The following PDXDC1 variants were observed in gnomAD, a reference collection of about 807,000 sequenced individuals.
The protein encoded by PDXDC1 is pyridoxal-dependent decarboxylase domain-containing protein 1.
A neutral mutation model predicts 100.1 loss-of-function variants in PDXDC1; 42 were observed. The observed-to-expected ratio is 0.42, with a 90% confidence interval of 0.33 to 0.54. PDXDC1 has a LOEUF of 0.54. Ranked by LOEUF, PDXDC1 falls within the 20% of genes least tolerant of loss-of-function variation. The probability of loss-of-function intolerance (pLI) is 0.10; values close to 1 mark genes in which losing one functional copy is unlikely to be tolerated. For missense variants in PDXDC1, 636 were observed against 979.2 expected (o/e 0.65, Z 4.68); for synonymous variants, 260 against 371.7 (o/e 0.70, Z 3.46).
chr16:15,077,822 G>A (rs1432563776), intron 16 of PDXDC1, among the ~76,000 whole-genome samples: 1 of 152,148 alleles, frequency 6.6e-6, no homozygotes, highest in East Asian at 1.9e-4. Context: ...GCCTGGGCAA[G>A]AAGCGAGACA....
chr16:15,041,260 C>T, downstream of PDXDC1: 1 of 681,912 alleles, frequency 1.5e-6, no homozygotes, highest in South Asian at 1.7e-5. Flanking sequence ...GGATTGTGGC[C>T]CTGTTTCCCT....
In PDXDC1 at chr16:15,074,852, C is replaced by T. The variant is rs768033327; in HGVS notation, c.1399+44796C>T. ...GCCTTTGTTTCATGTTCAGTTTCTTCATCTTCATCCTTTGAAGACAAAAAG... is the reference window on the plus strand; with the variant it reads ...GCCTTTGTTTCATGTTCAGTTTCTTTATCTTCATCCTTTGAAGACAAAAAG... On this transcript the variant is annotated intron_variant, in intron 16 of 16. Transcript: ENST00000535621. The T allele has an allele frequency of 2.9e-5, 46 of 1,607,566 alleles. 1 individual carries two copies. The highest frequency in any genetic ancestry group is 3.8e-5 in the Non-Finnish European group (45 of 1,177,484).
chr16:15,104,742 G>C, intron 16 of PDXDC1: 1 of 1,596,694 alleles, frequency 6.3e-7, no homozygotes, highest in Non-Finnish European at 8.5e-7. Flanking sequence ...ACGATGCTCC[G>C]CTGCCGCCAT....
At chr16:15,094,629 C>T (rs2046287030) in intron 16 of PDXDC1, 2 of 272,970 alleles carry the variant, frequency 7.3e-6, no homozygotes, top group East Asian at 1.3e-4. Flanking sequence ...CAGATCTTCA[C>T]GGAGGAAAGG....
chr16:15,147,691 A>AT, the PDXDC1 span, among the ~76,000 whole-genome samples: 1 of 151,528 alleles, frequency 6.6e-6, no homozygotes, highest in Non-Finnish European at 1.5e-5. Context: ...CATGCTCAGC[A>AT]TTTTTTTGTT....
intron 16 of PDXDC1, among the ~76,000 whole-genome samples, chr16:15,102,871 C>G (rs1184710274): frequency 3.3e-5 from 5 of 149,458 alleles, no homozygotes; most frequent in Admixed American, 6.6e-5. Flanking sequence ...CCCGGAAGTT[C>G]AAGGCTAAAG....
In PDXDC1 at chr16:15,026,467, T is replaced by G. The variant is rs1219614156; in HGVS notation, c.1141-176T>G. 2.1e-5 allele frequency: 13 copies of G among 618,660 alleles called. No individual in the cohort carries two copies. In the African/African-American group the frequency reaches 2.4e-4, roughly 11 times the overall value. 38.3% of individuals were successfully genotyped at this position (618,660 alleles called of 1,614,324 possible). Reference sequence around the variant, plus strand: ...CTCAAGGCTGGCTCATAGTTATTTTTTAAAATTTTACTAAACATTTGATTT... The same window carrying G: ...CTCAAGGCTGGCTCATAGTTATTTTGTAAAATTTTACTAAACATTTGATTT... On this transcript the variant is annotated intron_variant, in intron 13 of 22. Transcript: ENST00000396410.
intron 4 of PDXDC1, 145 bp from the exon 5 acceptor site, chr16:15,004,042 C>T (rs1973749853): frequency 2.5e-6 from 2 of 806,146 alleles, no homozygotes; most frequent in African/African-American, 3.5e-5. Context: ...TCTCACCAAA[C>T]TATCACTACT....
At chr16:15,017,883 C>A (rs1034628656) in intron 11 of PDXDC1, among the ~76,000 whole-genome samples, 2 of 152,146 alleles carry the variant, frequency 1.3e-5, no homozygotes, top group African/African-American at 4.8e-5. Context: ...CAACCTCCAC[C>A]TCCTGGGTTC....
chr16:15,031,646 T>C, intron 16 of PDXDC1, 89 bp from the exon 17 acceptor site: 7 of 1,187,386 alleles, frequency 5.9e-6, no homozygotes, highest in Non-Finnish European at 8.6e-6. Flanking sequence ...CCTCGAGCTT[T>C]TGACCTTCCC....
intron 16 of PDXDC1, chr16:15,126,014 G>A: frequency 1.7e-6 from 1 of 596,332 alleles, no homozygotes; most frequent in Non-Finnish European, 3.0e-6. Context: ...GACTGGTGCA[G>A]CTAAGGAACA....
chr16:15,011,631 C>CTTTTTTTTTTTTTTT, intron 8 of PDXDC1, among the ~76,000 whole-genome samples: 12 of 131,276 alleles, frequency 9.1e-5, no homozygotes, highest in African/African-American at 1.1e-4. Flanking sequence ...ACATTTTTTT[C>CTTTTTTTTTTTTTTT]TTTTTTTTTT....
At chr16:15,098,944 T>C (rs1050084277) in intron 16 of PDXDC1, among the ~76,000 whole-genome samples, 1 of 152,128 alleles carries the variant, frequency 6.6e-6, no homozygotes, top group Non-Finnish European at 1.5e-5. Flanking sequence ...TATGACCTCA[T>C]CTCTCTAGCC....
chr16:15,081,927 A>G (rs1175691554), intron 16 of PDXDC1, among the ~76,000 whole-genome samples: 2 of 152,174 alleles, frequency 1.3e-5, no homozygotes, highest in African/African-American at 4.8e-5. Context: ...CCCCTATTCA[A>G]TTGTCTTGAA....
chr16:15,086,878 C>A (rs1387784935), intron 16 of PDXDC1, among the ~76,000 whole-genome samples: 1 of 152,180 alleles, frequency 6.6e-6, no homozygotes, highest in African/African-American at 2.4e-5. Flanking sequence ...TCAGTCGAGG[C>A]TGATCAATTG....
At chr16:14,992,472 C>G (rs1461696142) in intron 1 of PDXDC1, among the ~76,000 whole-genome samples, 2 of 152,280 alleles carry the variant, frequency 1.3e-5, no homozygotes, top group African/African-American at 4.8e-5. Context: ...AGGAGCATCA[C>G]CAGCTGACTC....
At chr16:15,072,809 C>A (rs1280809028) in intron 16 of PDXDC1, 3 of 826,594 alleles carry the variant, frequency 3.6e-6, no homozygotes, top group Admixed American at 3.0e-5. Context: ...AAGGAGAATG[C>A]GATTTTATTA....
At chr16:15,094,321 A>G (rs1168002945) in intron 16 of PDXDC1, 14 of 1,234,662 alleles carry the variant, frequency 1.1e-5, no homozygotes, top group South Asian at 7.9e-5. Context: ...TGCGCGTGCC[A>G]GCGCAACCTT....
chr16:15,050,723 C>T (rs985305104), intron 16 of PDXDC1, among the ~76,000 whole-genome samples: 5 of 151,432 alleles, frequency 3.3e-5, no homozygotes, highest in African/African-American at 1.2e-4. Context: ...CAGACCAAGA[C>T]CCTGCCTCAA....
Sources: allele counts gnomAD v4.1 joint callset (sites outside exome capture counted in the v4.1 genomes callset), GRCh38; gene constraint gnomAD v4.1.1; transcripts MANE v1.5; gene names NCBI Gene and HGNC (gene_info 2026-07-23, HGNC 2026-07-21).